NALF1: variants seen among roughly 807,000 people sequenced by gnomAD.
The protein encoded by NALF1 is family with sequence similarity 155 member A.
NALF1 carries 3 observed loss-of-function variants against 48.4 expected under a neutral mutation model. The observed-to-expected ratio is 0.06, with a 90% CI of 0.03 to 0.16. The LOEUF (loss-of-function observed/expected upper bound fraction) is 0.16. Ranked by LOEUF, NALF1 falls within the 10% of genes least tolerant of loss-of-function variation. The probability of loss-of-function intolerance (pLI) is 1.00; values close to 1 mark genes in which losing one functional copy is unlikely to be tolerated. For missense variants in NALF1, 526 were observed against 571.5 expected (o/e 0.92, Z 0.81); for synonymous variants, 262 against 245.7 (o/e 1.07, Z -0.62).
At chr13:107,500,399 A>T (rs189493284) in intron 1 of NALF1, among the ~76,000 whole-genome samples, 2 of 152,148 alleles carry the variant, frequency 1.3e-5, no homozygotes, top group African/African-American at 4.8e-5. Context: ...CAAAACCACA[A>T]TGAGACACCA....
intron 1 of NALF1, among the ~76,000 whole-genome samples, chr13:107,255,630 A>G (rs1050392858): frequency 6.6e-6 from 1 of 152,210 alleles, no homozygotes; most frequent in Non-Finnish European, 1.5e-5. Context: ...AGTAATTAAC[A>G]TTTATCATGT....
At chr13:107,450,320 T>C (rs907245160) in intron 1 of NALF1, among the ~76,000 whole-genome samples, 3 of 152,138 alleles carry the variant, frequency 2.0e-5, no homozygotes, top group Admixed American at 1.3e-4. Context: ...GTGCCCATCA[T>C]AGAGCCACGG....
chr13:107,298,504 T>C (rs1462293285), intron 1 of NALF1, among the ~76,000 whole-genome samples: 1 of 151,878 alleles, frequency 6.6e-6, no homozygotes, highest in East Asian at 1.9e-4. Flanking sequence ...CAATCTCAGC[T>C]CACTATAACC....
intron 1 of NALF1, among the ~76,000 whole-genome samples, chr13:107,489,231 AT>A (rs745773899): frequency 1.1e-4 from 17 of 152,224 alleles, no homozygotes; most frequent in Non-Finnish European, 1.9e-4. Flanking sequence ...ATTCAATGCT[AT>A]TCCCATTAAA....
intron 1 of NALF1, among the ~76,000 whole-genome samples, chr13:107,831,411 T>A (rs1299527994): frequency 6.6e-6 from 1 of 152,166 alleles, no homozygotes; most frequent in East Asian, 1.9e-4. Flanking sequence ...TATTAAAATA[T>A]AGCAGCATTG....
intron 1 of NALF1, among the ~76,000 whole-genome samples, chr13:107,587,890 G>A (rs574755176): frequency 6.6e-6 from 1 of 152,144 alleles, no homozygotes; most frequent in Non-Finnish European, 1.5e-5. Flanking sequence ...CACACATGGA[G>A]ATGGAGTGTC....
chr13:107,440,821 T>A lies in NALF1; in HGVS notation c.916-230066A>T, dbSNP rs115310413. 8.0e-3 allele frequency among the ~76,000 whole-genome samples: 1,214 copies of A among 152,268 alleles called. 20 individuals are homozygous for A. Among genetic ancestry groups the A allele is most frequent in the African/African-American group, 0.028 (1,156 of 41,556 alleles). ...CCTGTCTCACAGTTCCTATGCTGTG[T>A]TGTTGTCCAAGGAGCTCCTTCAGAG... On this transcript the variant is annotated intron_variant, in intron 1 of 2. Coordinates refer to ENST00000375915, the MANE Select transcript of NALF1 (RefSeq NM_001080396.3).
At chr13:107,311,065 G>C (rs1248968633) in intron 1 of NALF1, among the ~76,000 whole-genome samples, 1 of 152,162 alleles carries the variant, frequency 6.6e-6, no homozygotes, top group Non-Finnish European at 1.5e-5. Flanking sequence ...GAAACTCAGA[G>C]CTGGCCAAAT....
At chr13:107,790,434 A>C (rs909294427) in intron 1 of NALF1, among the ~76,000 whole-genome samples, 1 of 152,160 alleles carries the variant, frequency 6.6e-6, no homozygotes, top group Non-Finnish European at 1.5e-5. Context: ...TTATAGAATA[A>C]ACTATACATT....
chr13:107,754,906 T>C (rs563016722), intron 1 of NALF1, among the ~76,000 whole-genome samples: 15 of 152,364 alleles, frequency 9.8e-5, no homozygotes, highest in African/African-American at 3.4e-4. Flanking sequence ...TACTCTTCAA[T>C]GTTTAAAACT....
intron 1 of NALF1, among the ~76,000 whole-genome samples, chr13:107,495,446 T>G (rs1204684697): frequency 6.6e-6 from 1 of 152,196 alleles, no homozygotes; most frequent in East Asian, 1.9e-4. Context: ...AAATAGACTC[T>G]GCTAGTTTAT....
chr13:107,219,162 T>C (rs1339854446), intron 1 of NALF1, among the ~76,000 whole-genome samples: 1 of 152,212 alleles, frequency 6.6e-6, no homozygotes, highest in Non-Finnish European at 1.5e-5. Flanking sequence ...TGGCCGTGGA[T>C]GGATATAACT....
intron 1 of NALF1, among the ~76,000 whole-genome samples, chr13:107,423,613 T>A (rs1884229853): frequency 6.6e-6 from 1 of 152,228 alleles, no homozygotes; most frequent in African/African-American, 2.4e-5. Context: ...TCTCAAATGA[T>A]AAAAGAGAAA....
At chr13:107,404,206 T>A (rs1883862364) in intron 1 of NALF1, among the ~76,000 whole-genome samples, 1 of 152,128 alleles carries the variant, frequency 6.6e-6, no homozygotes, top group Admixed American at 6.6e-5. Flanking sequence ...AAAACTTTAT[T>A]CTTAAAGATT....
In NALF1 at chr13:107,186,286, C is replaced by A. The variant is rs555407521; in HGVS notation, c.1088-15500G>T. Among the ~76,000 whole-genome samples, 3 of 152,274 alleles carry A rather than the reference C, an allele frequency of 2.0e-5. No homozygotes were observed. The South Asian group carries it at 6.2e-4, about 32-fold the overall frequency. ...CTGTGAACTGCCTGTTCAAGGTGATCTGGACTTTTTCTATCATGCTCCACT... is the reference window on the plus strand; with the variant it reads ...CTGTGAACTGCCTGTTCAAGGTGATATGGACTTTTTCTATCATGCTCCACT... On this transcript the variant is annotated intron_variant, in intron 2 of 2. Transcript: ENST00000375915.
chr13:107,597,641 A>G (rs1008552248), intron 1 of NALF1, among the ~76,000 whole-genome samples: 4 of 152,172 alleles, frequency 2.6e-5, no homozygotes, highest in African/African-American at 9.7e-5. Context: ...AAGCTTACAA[A>G]AGAAAAAATA....
chr13:107,720,210 A>G (rs561673916), intron 1 of NALF1, among the ~76,000 whole-genome samples: 3 of 152,256 alleles, frequency 2.0e-5, no homozygotes, highest in Non-Finnish European at 2.9e-5. Context: ...GCTCTATTCA[A>G]TTTTACAATA....
At chr13:107,717,112 C>T (rs1400332972) in intron 1 of NALF1, among the ~76,000 whole-genome samples, 1 of 152,212 alleles carries the variant, frequency 6.6e-6, no homozygotes, top group Non-Finnish European at 1.5e-5. Flanking sequence ...TGCTTCCTCT[C>T]TTTGACCTAG....
At chr13:107,806,460 T>C (rs992861316) in intron 1 of NALF1, among the ~76,000 whole-genome samples, 72 of 152,280 alleles carry the variant, frequency 4.7e-4, no homozygotes, top group African/African-American at 1.7e-3. Context: ...ATTTTGTCCA[T>C]TTCTTAATCT....
Sources: allele counts gnomAD v4.1 joint callset (sites outside exome capture counted in the v4.1 genomes callset), GRCh38; gene constraint gnomAD v4.1.1; transcripts MANE v1.5; gene names NCBI Gene and HGNC (gene_info 2026-07-23, HGNC 2026-07-21).